BCKDHB: variants seen among roughly 807,000 people sequenced by gnomAD.
BCKDHB encodes branched chain keto acid dehydrogenase E1 subunit beta, also known as 2-oxoisovalerate dehydrogenase subunit beta, mitochondrial.
In BCKDHB, 41 loss-of-function variants were observed where a neutral mutation model predicts 48.5. That is an observed-to-expected ratio of 0.85 (90% CI 0.66 to 1.10). BCKDHB has a LOEUF of 1.10. Among genes scored for constraint, BCKDHB ranks in the 50% least tolerant of loss-of-function variants. BCKDHB has a pLI of 0.00. For synonymous variants in BCKDHB, 201 were observed against 174.8 expected (o/e 1.15, Z -1.18); for missense variants, 496 against 494.2 (o/e 1.00, Z -0.03).
At chr6:80,435,251 C>A in the BCKDHB span, among the ~76,000 whole-genome samples, 5 of 152,104 alleles carry the variant, frequency 3.3e-5, no homozygotes, top group Non-Finnish European at 7.4e-5. Context: ...TACAGCTGGG[C>A]ACAATTTGAT....
chr6:80,438,769 A>G, the BCKDHB span, among the ~76,000 whole-genome samples: 235 of 152,356 alleles, frequency 1.5e-3, no homozygotes, highest in African/African-American at 5.5e-3. Flanking sequence ...TTTTCTGATT[A>G]AATGGGGTTA....
chr6:80,197,408 A>T (rs971518933), intron 6 of BCKDHB, among the ~76,000 whole-genome samples: 1 of 152,156 alleles, frequency 6.6e-6, no homozygotes, highest in African/African-American at 2.4e-5. Context: ...GGTGTTTTTA[A>T]AATAGAGAAT....
chr6:80,273,024 T>G, intron 8 of BCKDHB, 111 bp from the exon 9 acceptor site: 1 of 821,564 alleles, frequency 1.2e-6, no homozygotes, highest in Non-Finnish European at 2.0e-6. Flanking sequence ...TACTGATTTT[T>G]ACACTATTTA....
At position 80,218,178 on chromosome 6, in the gene BCKDHB, T is replaced by A. The variant is rs147507050; in HGVS notation, c.951+14966T>A. Among the ~76,000 whole-genome samples, 20 of 152,214 alleles carry A rather than the reference T, an allele frequency of 1.3e-4. No homozygotes were observed. The East Asian group carries it at 3.9e-3, about 29-fold the overall frequency. Reference sequence around the variant, plus strand: ...ACATTTCATACTTGTGCCAGGAAAATGGACTTTTCCTTGCTCAGTCCATTC... The same window carrying A: ...ACATTTCATACTTGTGCCAGGAAAAAGGACTTTTCCTTGCTCAGTCCATTC... On this transcript the variant is annotated intron_variant, in intron 8 of 9. Coordinates refer to ENST00000320393, the MANE Select transcript of BCKDHB (RefSeq NM_183050.4).
intron 3 of BCKDHB, among the ~76,000 whole-genome samples, chr6:80,153,875 C>T (rs1771912130): frequency 6.6e-6 from 1 of 152,184 alleles, no homozygotes; most frequent in African/African-American, 2.4e-5. Context: ...ATCGTGATGC[C>T]AGAGCCCATG....
At chr6:80,379,773 T>A in the BCKDHB span, among the ~76,000 whole-genome samples, 145,580 of 151,974 alleles carry the variant, frequency 0.96, 70,058 homozygotes, top group Middle Eastern at 1. Flanking sequence ...TCAATTTACA[T>A]AATTAGTAGC....
chr6:80,423,945 G>A, the BCKDHB span, among the ~76,000 whole-genome samples: 2 of 152,166 alleles, frequency 1.3e-5, no homozygotes, highest in South Asian at 4.1e-4. Flanking sequence ...ATCTTTAAAT[G>A]GTAGGGAGAG....
chr6:80,328,436 C>A (rs566969771), intron 9 of BCKDHB, among the ~76,000 whole-genome samples: 1 of 152,242 alleles, frequency 6.6e-6, no homozygotes, highest in Non-Finnish European at 1.5e-5. Context: ...CAATATTAGC[C>A]CTAAACCCAA....
intron 9 of BCKDHB, among the ~76,000 whole-genome samples, chr6:80,307,140 A>G (rs1023144296): frequency 6.6e-6 from 1 of 152,196 alleles, no homozygotes; most frequent in Non-Finnish European, 1.5e-5. Context: ...AAGAGGCATA[A>G]TGGCCTTGAA....
the BCKDHB span, among the ~76,000 whole-genome samples, chr6:80,403,009 T>G: frequency 2.0e-5 from 3 of 151,858 alleles, no homozygotes; most frequent in Non-Finnish European, 4.4e-5. Context: ...TATCATAGCT[T>G]TGTAACATAA....
the BCKDHB span, among the ~76,000 whole-genome samples, chr6:80,379,527 G>A: frequency 1.3e-5 from 2 of 151,918 alleles, no homozygotes; most frequent in African/African-American, 4.8e-5. Context: ...TTTCACTTCA[G>A]GTCTAGAACA....
At chr6:80,194,397 C>T (rs1774041457) in intron 6 of BCKDHB, among the ~76,000 whole-genome samples, 1 of 152,200 alleles carries the variant, frequency 6.6e-6, no homozygotes, top group Admixed American at 6.5e-5. Flanking sequence ...GGATACAATA[C>T]TATTAACTGC....
chr6:80,327,413 T>A (rs1341280), intron 9 of BCKDHB, among the ~76,000 whole-genome samples: 4,763 of 152,254 alleles, frequency 0.031, 94 homozygotes, highest in East Asian at 0.052. Context: ...AATCAAAAAA[T>A]TTTTAAGTTG....
chr6:80,167,643 T>C (rs749902388), intron 3 of BCKDHB, 35 bp from the exon 4 acceptor site: 2 of 1,564,364 alleles, frequency 1.3e-6, no homozygotes, highest in Non-Finnish European at 1.8e-6. Context: ...TACTCTCATT[T>C]GCCACATTAA....
chr6:80,129,187 G>A lies in BCKDHB; in HGVS notation c.301G>A (p.Gly101Ser), dbSNP rs1770499193. 2 of 1,610,590 alleles carry A rather than the reference G, an allele frequency of 1.2e-6. No homozygotes were observed. Among genetic ancestry groups the A allele is most frequent in the East Asian group, 2.2e-5 (1 of 44,830 alleles). ...AATATTTGGTGAAGATGTTGCCTTT[G>A]GTGGAGTCTTTAGATGCACTGTTGG... ...AVIFGEDVAF[G>S]GVFRCTVGLR... is the part of the protein sequence containing the mutation. The change falls in exon 3 of 10, where the codon GGT becomes AGT. Residue 101 changes from glycine to serine, a missense_variant. Transcript: ENST00000320393.
the BCKDHB span, among the ~76,000 whole-genome samples, chr6:80,456,413 C>G: frequency 6.6e-6 from 1 of 152,074 alleles, no homozygotes; most frequent in African/African-American, 2.4e-5. Context: ...CTCACCTGCC[C>G]CATCATTCAC....
chr6:80,459,857 C>T, the BCKDHB span, among the ~76,000 whole-genome samples: 3 of 152,202 alleles, frequency 2.0e-5, no homozygotes, highest in South Asian at 2.1e-4. Flanking sequence ...TGGAATTACT[C>T]GATGATCTGA....
the BCKDHB span, among the ~76,000 whole-genome samples, chr6:80,442,145 G>T: frequency 6.6e-6 from 1 of 152,094 alleles, no homozygotes; most frequent in African/African-American, 2.4e-5. Context: ...ACTAAATAAT[G>T]TATTCACAGA....
At chr6:80,352,874 C>G in the BCKDHB span, among the ~76,000 whole-genome samples, 1 of 152,272 alleles carries the variant, frequency 6.6e-6, no homozygotes, top group South Asian at 2.1e-4. Context: ...CAGCAGCTGT[C>G]CTTTAGAAAC....
Sources: allele counts gnomAD v4.1 joint callset (sites outside exome capture counted in the v4.1 genomes callset), GRCh38; gene constraint gnomAD v4.1.1; transcripts MANE v1.5; gene names NCBI Gene and HGNC (gene_info 2026-07-23, HGNC 2026-07-21).